Variants in F8 observed in about 807,000 individuals in gnomAD.
F8 encodes coagulation factor VIII.
F8 carries 12 observed loss-of-function variants against 140.6 expected under a neutral mutation model. The ratio of observed to expected loss-of-function variants is 0.09; its 90% CI spans 0.05 to 0.14. The LOEUF is 0.14. Among genes scored for constraint, F8 ranks in the 10% least tolerant of loss-of-function variants. F8 has a pLI of 1.00. For synonymous variants in F8, 585 were observed against 614.6 expected (o/e 0.95, Z 0.71); for missense variants, 1,354 against 1,720.7 (o/e 0.79, Z 3.77).
chrX:154,937,459 C>T (rs2073230984), intron 13 of F8, among the ~76,000 whole-genome samples: 1 of 108,365 alleles, frequency 9.2e-6, no homozygotes, highest in South Asian at 4.0e-4. Flanking sequence ...GGGAGATATA[C>T]CTAATGCTAG....
At chrX:154,919,837 T>A (rs1164051415) in intron 14 of F8, 1 of 259,256 alleles carries the variant, frequency 3.9e-6, no homozygotes, top group African/African-American at 2.9e-5. Flanking sequence ...CACTCTGGCA[T>A]CAGAAGGCAG....
At chrX:154,901,829 T>C (rs1443200880) in intron 19 of F8, among the ~76,000 whole-genome samples, 4 of 111,821 alleles carry the variant, frequency 3.6e-5, no homozygotes, top group Non-Finnish European at 3.8e-5. Flanking sequence ...ATTTTTTTTT[T>C]GTCAATTATT....
chrX:154,938,884 A>AAT (rs34552198), intron 13 of F8, among the ~76,000 whole-genome samples: 32,980 of 104,677 alleles, frequency 0.32, 5,473 homozygotes, highest in African/African-American at 0.59. Context: ...GAAAGGTGTA[A>AAT]ATATATATAT....
chrX:154,879,919 G>C (rs186079918), intron 22 of F8, among the ~76,000 whole-genome samples: 1 of 111,704 alleles, frequency 9.0e-6, no homozygotes, highest in African/African-American at 3.3e-5. Context: ...GGGACTGTAA[G>C]TTTCCTGAGG....
intron 6 of F8, among the ~76,000 whole-genome samples, chrX:154,981,718 C>A (rs1331959537): frequency 9.0e-6 from 1 of 110,937 alleles, no homozygotes; most frequent in Non-Finnish European, 1.9e-5. Flanking sequence ...ACACAGTTGA[C>A]TCTTGAACAA....
intron 12 of F8, among the ~76,000 whole-genome samples, chrX:154,952,984 G>A (rs1268231848): frequency 8.9e-6 from 1 of 112,154 alleles, no homozygotes; most frequent in Non-Finnish European, 1.9e-5. Flanking sequence ...TATAGCATGA[G>A]AACACTCTTT....
chrX:154,989,024 C>T (rs1741465590), intron 4 of F8, among the ~76,000 whole-genome samples: 2 of 111,698 alleles, frequency 1.8e-5, no homozygotes, highest in Non-Finnish European at 3.8e-5. Context: ...TATTTATCTT[C>T]TTTTTCAGCT....
rs929465736 is a variant in F8, at chrX:154,835,935, A to G, written c.*1662T>C. 1 of 112,320 alleles carries G rather than the reference A, an allele frequency of 8.9e-6. No individual in the cohort carries two copies. Among genetic ancestry groups the G allele is most frequent in the Non-Finnish European group, 1.9e-5 (1 of 53,276 alleles). 9.3% of individuals were successfully genotyped at this position (112,320 alleles called of 1,213,427 possible). On this transcript the variant is annotated 3_prime_UTR_variant, in exon 26 of 26. Transcript: ENST00000360256. ...CCAAAATAAGATTATCAAGTTAAACATAACAGGAAATAAAACCATATCACC... is the reference window on the plus strand; with the variant it reads ...CCAAAATAAGATTATCAAGTTAAACGTAACAGGAAATAAAACCATATCACC...
chrX:154,951,619 G>A (rs904117582), intron 12 of F8, among the ~76,000 whole-genome samples: 4 of 111,561 alleles, frequency 3.6e-5, no homozygotes, highest in African/African-American at 6.5e-5. Flanking sequence ...TATGAAAATA[G>A]ATTATCAATT....
At chrX:154,900,525 C>T (rs889603598) in intron 20 of F8, among the ~76,000 whole-genome samples, 23 of 111,629 alleles carry the variant, frequency 2.1e-4, no homozygotes, top group African/African-American at 6.8e-4. Flanking sequence ...CAACGTGCCC[C>T]GCCTATTATT....
At position 154,863,237 on chromosome X, in the gene F8, G is replaced by C. The variant is rs2072707830; in HGVS notation, c.6430-10C>G. Reference sequence around the variant, plus strand: ...CATTGCCAAAGAAGACCTGTATGGAGAGATTAGCACAAATACATGGAAAGT... The same window carrying C: ...CATTGCCAAAGAAGACCTGTATGGACAGATTAGCACAAATACATGGAAAGT... On this transcript the variant is annotated splice_polypyrimidine_tract_variant and intron_variant, in intron 22 of 25. Coordinates refer to ENST00000360256, the MANE Select transcript of F8 (RefSeq NM_000132.4). 8.3e-7 allele frequency: 1 copy of C among 1,203,717 alleles called. No homozygotes were observed. Among genetic ancestry groups the C allele is most frequent in the Non-Finnish European group, 1.1e-6 (1 of 889,127 alleles).
chrX:154,902,595 C>T (rs1309585121), intron 18 of F8, among the ~76,000 whole-genome samples: 1 of 111,449 alleles, frequency 9.0e-6, no homozygotes, highest in Non-Finnish European at 1.9e-5. Flanking sequence ...CAAGAAGCTG[C>T]AGGTGAACAC....
chrX:154,892,776 C>A (rs1295884889), intron 22 of F8, among the ~76,000 whole-genome samples: 2 of 111,451 alleles, frequency 1.8e-5, no homozygotes, highest in Non-Finnish European at 3.8e-5. Context: ...TCTAATCCCC[C>A]CTCCTTTCGG....
intron 14 of F8, among the ~76,000 whole-genome samples, chrX:154,922,049 CAAAA>C (rs1254831692): frequency 1.8e-5 from 2 of 111,801 alleles, no homozygotes; most frequent in African/African-American, 3.2e-5. Context: ...AAAAACAAAA[CAAAA>C]CAAACAAACA....
At chrX:154,847,126 G>T (rs1337654888) in intron 25 of F8, among the ~76,000 whole-genome samples, 1 of 112,109 alleles carries the variant, frequency 8.9e-6, no homozygotes, top group Non-Finnish European at 1.9e-5. Flanking sequence ...CTCTCTTCTG[G>T]CTTGTAGAGT....
intron 25 of F8, among the ~76,000 whole-genome samples, chrX:154,844,598 T>C (rs2148558933): frequency 9.0e-6 from 1 of 110,930 alleles, no homozygotes; most frequent in African/African-American, 3.3e-5. Context: ...TGTTTGTCTG[T>C]TGTTGGTGTA....
At position 154,957,051 on chromosome X, in the gene F8, G is replaced by C; in HGVS notation, c.1658C>G (p.Ser553Cys). The C allele has an allele frequency of 8.3e-7, 1 of 1,209,234 alleles. No individual in the cohort carries two copies. Among genetic ancestry groups the C allele is most frequent in the Non-Finnish European group, 1.1e-6 (1 of 893,582 alleles). The stretch of plus-strand genomic sequence containing the variant: ...ATCTCTCTCCATATTAACGAAACTA[G>C]AGTAATAGCGGGTCAGGCACCGAGG... ...SDPRCLTRYY[S>C]SFVNMERDLA... The change falls in exon 11 of 26, where the codon TCT becomes TGT. Residue 553 changes from serine to cysteine, a missense_variant. Transcript: ENST00000360256.
chrX:154,981,286 C>G (rs2073518691), intron 6 of F8, among the ~76,000 whole-genome samples: 1 of 110,834 alleles, frequency 9.0e-6, no homozygotes, highest in Non-Finnish European at 1.9e-5. Context: ...TTTCTTAACT[C>G]TTCTGAAGGT....
intron 25 of F8, among the ~76,000 whole-genome samples, chrX:154,855,546 T>C (rs1163153835): frequency 9.0e-6 from 1 of 111,572 alleles, no homozygotes; most frequent in African/African-American, 3.3e-5. Flanking sequence ...TTGGATTAGG[T>C]ATGTGTGGAA....
Sources: gnomAD v4.1 joint callset for allele counts (sites outside exome capture counted in the v4.1 genomes callset) on GRCh38, gnomAD v4.1.1 for gene constraint, MANE v1.5 for transcripts, NCBI Gene and HGNC (gene_info 2026-07-23, HGNC 2026-07-21) for gene names.